Variants in CCT5 observed in about 807,000 individuals in gnomAD.
CCT5 encodes the protein chaperonin containing TCP1 subunit 5.
A neutral mutation model predicts 55.0 loss-of-function variants in CCT5; 6 were observed. That is an observed-to-expected ratio of 0.11 (90% confidence interval 0.06 to 0.22). CCT5 has a LOEUF of 0.22. Ranked by LOEUF, CCT5 falls within the 10% of genes least tolerant of loss-of-function variation. CCT5 has a pLI of 1.00. For synonymous variants in CCT5, 231 were observed against 243.7 expected (o/e 0.95, Z 0.49); for missense variants, 560 against 694.6 (o/e 0.81, Z 2.18).
At chr5:10,254,904 C>A in intron 3 of CCT5, 66 bp downstream of exon 3, 1 of 1,357,518 alleles carries the variant, frequency 7.4e-7, no homozygotes, top group Non-Finnish European at 1.1e-6. Context: ...GGCTAACATG[C>A]CTGCTGAGAT....
At chr5:10,263,737 C>T (rs1746094701) in intron 10 of CCT5, among the ~76,000 whole-genome samples, 1 of 152,156 alleles carries the variant, frequency 6.6e-6, no homozygotes. Context: ...CCTCTGTAGC[C>T]ACTTGTGTAG....
rs373591219 is a variant in CCT5 at position 10,254,667 on chromosome 5, T to C, written c.167-7T>C. On this transcript the variant is annotated splice_region_variant and splice_polypyrimidine_tract_variant and intron_variant, in intron 2 of 10. Coordinates refer to ENST00000280326, the MANE Select transcript of CCT5 (RefSeq NM_012073.5). ...TTGCGCAAAGCCTACTAAACGTTGT[T>C]TTTTAGGGCTTGATAAGATGATGGT... 1 of 1,613,574 alleles carries C rather than the reference T, an allele frequency of 6.2e-7. No individual in the cohort carries two copies. Among genetic ancestry groups the C allele is most frequent in the Non-Finnish European group, 8.5e-7 (1 of 1,179,788 alleles).
In CCT5 at chr5:10,262,469, T is replaced by C. The variant is rs372827828; in HGVS notation, c.1180-12T>C. 4 of 1,613,432 alleles carry C rather than the reference T, an allele frequency of 2.5e-6. No individual in the cohort carries two copies. The highest frequency in any genetic ancestry group is 2.7e-5 in the African/African-American group (2 of 74,916). ...TTGATCACATTAATTCAGGCAAAGCTGTTTTCCTTAGATCATTGAGGAGGC... is the reference window on the plus strand; with the variant it reads ...TTGATCACATTAATTCAGGCAAAGCCGTTTTCCTTAGATCATTGAGGAGGC... On this transcript the variant is annotated splice_polypyrimidine_tract_variant and intron_variant, in intron 8 of 10. Coordinates refer to ENST00000280326, the MANE Select transcript of CCT5 (RefSeq NM_012073.5).
intron 4 of CCT5, among the ~76,000 whole-genome samples, chr5:10,257,693 A>G (rs1245363170): frequency 2.0e-5 from 3 of 152,188 alleles, no homozygotes; most frequent in Non-Finnish European, 4.4e-5. Flanking sequence ...GCTACACTTC[A>G]TTGAGATAAG....
chr5:10,264,954 G>A lies in CCT5; in HGVS notation c.*171G>A, dbSNP rs1446554142. ...TTCACTTGTTCAAAGCTGTGTAATC[G>A]TGGGGGTACCATCTCAACTGCTTTT... On this transcript the variant is annotated 3_prime_UTR_variant, in exon 11 of 11. Transcript: ENST00000280326. The A allele has an allele frequency of 4.7e-5, 37 of 786,052 alleles. No homozygotes were observed. In the East Asian group the frequency reaches 6.4e-4, roughly 14 times the overall value. 48.7% of individuals were successfully genotyped at this position (786,052 alleles called of 1,614,324 possible).
In CCT5 at chr5:10,254,660, A is replaced by T; in HGVS notation, c.167-14A>T. ...CAGTTTTTTGCGCAAAGCCTACTAA[A>T]CGTTGTTTTTTAGGGCTTGATAAGA... is the stretch of plus-strand genomic sequence containing the variant. On this transcript the variant is annotated splice_polypyrimidine_tract_variant and intron_variant, in intron 2 of 10. Coordinates refer to ENST00000280326, the MANE Select transcript of CCT5 (RefSeq NM_012073.5). The T allele has an allele frequency of 6.2e-7, 1 of 1,613,590 alleles. No homozygotes were observed. The highest frequency in any genetic ancestry group is 1.1e-5 in the South Asian group (1 of 91,070).
Position 10,264,949 on chromosome 5 carries a change from T to C in CCT5, c.*166T>C. The C allele has an allele frequency of 1.2e-6, 1 of 837,076 alleles. No individual in the cohort carries two copies. The highest frequency in any genetic ancestry group is 1.9e-6 in the Non-Finnish European group (1 of 535,406). 51.9% of individuals were successfully genotyped at this position (837,076 alleles called of 1,614,324 possible). ...ATAGTTTCACTTGTTCAAAGCTGTG[T>C]AATCGTGGGGGTACCATCTCAACTG... On this transcript the variant is annotated 3_prime_UTR_variant, in exon 11 of 11. Transcript: ENST00000280326.
At chr5:10,254,257 T>C (rs777997985) in intron 2 of CCT5, 52 bp downstream of exon 2, 1 of 1,259,772 alleles carries the variant, frequency 7.9e-7, no homozygotes, top group Non-Finnish European at 1.2e-6. Context: ...ATTATAAAAC[T>C]GTCAATATAA....
At chr5:10,259,274 C>T (rs1367701260) in intron 6 of CCT5, among the ~76,000 whole-genome samples, 2 of 152,170 alleles carry the variant, frequency 1.3e-5, no homozygotes, top group East Asian at 3.9e-4. Context: ...AGCAACTCCT[C>T]TTTGGGGGCT....
intron 4 of CCT5, among the ~76,000 whole-genome samples, chr5:10,256,796 A>G (rs776618207): frequency 3.3e-5 from 5 of 152,098 alleles, no homozygotes; most frequent in Admixed American, 6.5e-5. Flanking sequence ...GGTGGGTTCC[A>G]CTTTTTATTC....
rs528581186 is a variant in CCT5 at position 10,265,094 on chromosome 5, AT to A, written c.*320del. 16 of 301,104 alleles carry A rather than the reference AT, an allele frequency of 5.3e-5. No individual in the cohort carries two copies. Among genetic ancestry groups the A allele is most frequent in the Non-Finnish European group, 6.9e-5 (11 of 158,908 alleles). 18.7% of individuals were successfully genotyped at this position (301,104 alleles called of 1,614,324 possible). A position where few individuals can be genotyped will look rare whatever the true frequency, so the allele number is the denominator to read the frequency against. ...GCCTTAATTGAAGGGGTTTGGGTGG[AT>A]TTTTTTTTCTCAAAATAAGCTGTAG... On this transcript the variant is annotated 3_prime_UTR_variant, in exon 11 of 11. Transcript: ENST00000280326.
At chr5:10,255,047 G>C (rs1745604972) in intron 3 of CCT5, 2 of 584,760 alleles carry the variant, frequency 3.4e-6, no homozygotes, top group South Asian at 1.9e-5. Flanking sequence ...GTTAGGCATG[G>C]AGAAATGTGT....
At chr5:10,254,392 CTTTTTTTT>C (rs57187607) in intron 2 of CCT5, 187 bp downstream of exon 2, 6 of 516,372 alleles carry the variant, frequency 1.2e-5, no homozygotes, top group Non-Finnish European at 1.7e-5. Context: ...TAGGTCGGAC[CTTTTTTTT>C]TTTTTTTTTA....
At chr5:10,250,569 C>T (rs1745332502) in intron 1 of CCT5, 124 bp downstream of exon 1, 3 of 1,511,958 alleles carry the variant, frequency 2.0e-6, no homozygotes, top group South Asian at 1.2e-5. Context: ...GAATCTCCGT[C>T]TCCCTGCGGT....
intron 10 of CCT5, among the ~76,000 whole-genome samples, chr5:10,263,673 C>G (rs540908793): frequency 1.3e-5 from 2 of 152,274 alleles, no homozygotes; most frequent in African/African-American, 4.8e-5. Context: ...GTTCACAGTT[C>G]ACTGTGTGGT....
chr5:10,255,484 T>A (rs1043843739), intron 3 of CCT5, among the ~76,000 whole-genome samples: 1 of 151,994 alleles, frequency 6.6e-6, no homozygotes, highest in Admixed American at 6.6e-5. Flanking sequence ...TGGATACTAT[T>A]GTATGCCAAG....
chr5:10,262,770 C>G (rs530585080), intron 9 of CCT5, 152 bp downstream of exon 9: 2 of 836,310 alleles, frequency 2.4e-6, no homozygotes, highest in African/African-American at 1.6e-5. Flanking sequence ...TTCCCACGTT[C>G]CTGTATTCAG....
chr5:10,257,824 G>A (rs1386655139), intron 4 of CCT5: 1 of 460,002 alleles, frequency 2.2e-6, no homozygotes, highest in African/African-American at 2.0e-5. Context: ...AGACTACAGT[G>A]GTTTCTTGAG....
Position 10,263,204 on chromosome 5 carries a change from C to A in CCT5, c.1388C>A (p.Ser463Tyr). The change falls in exon 10 of 11, where the codon TCT becomes TAT. Residue 463 changes from serine (S) to tyrosine (Y), a missense_variant. Ser to Tyr is a moderately radical substitution (Grantham distance 144, BLOSUM62 -2). Around this residue, in one of 4 missense-constraint regions of CCT5, gnomAD observed 115 missense variants for 105.0 expected, o/e 1.10. Coordinates refer to ENST00000280326, the MANE Select transcript of CCT5 (RefSeq NM_012073.5). ...CTGGAGGTCATCCCCATGGCCCTCT[C>A]TGAAAACAGTGGCATGAATCCCATC... Reference protein sequence around the residue: ...DALEVIPMALSENSGMNPIQT... With the variant: ...DALEVIPMALYENSGMNPIQT... 1 of 1,614,210 alleles carries A rather than the reference C, an allele frequency of 6.2e-7. No homozygotes were observed. The highest frequency in any genetic ancestry group is 8.5e-7 in the Non-Finnish European group (1 of 1,180,022).
Sources: allele counts gnomAD v4.1 joint callset (sites outside exome capture counted in the v4.1 genomes callset), GRCh38; gene constraint gnomAD v4.1.1; regional missense constraint gnomAD v4.1.1; transcripts MANE v1.5; gene names NCBI Gene and HGNC (gene_info 2026-07-23, HGNC 2026-07-21).